The following ITGA9 variants were observed in gnomAD, a reference collection of about 807,000 sequenced individuals.
The protein encoded by ITGA9 is integrin alpha-9.
A neutral mutation model predicts 127.8 loss-of-function variants in ITGA9; 56 were observed. The ratio of observed to expected loss-of-function variants is 0.44; its 90% CI spans 0.35 to 0.55. The LOEUF is 0.55. ITGA9 is among the 20% of genes least tolerant of loss of function. The pLI, the probability that ITGA9 is intolerant of heterozygous loss-of-function variation, is 0.00. For synonymous variants in ITGA9, 508 were observed against 514.5 expected, an observed-to-expected ratio of 0.99 and a Z score of 0.17; for missense variants, 1,196 against 1,347.1, an observed-to-expected ratio of 0.89 and a Z score of 1.76.
intron 15 of ITGA9, among the ~76,000 whole-genome samples, chr3:37,594,083 G>A (rs537906792): frequency 6.6e-6 from 1 of 152,344 alleles, no homozygotes; most frequent in African/African-American, 2.4e-5. Context: ...CCACACGTGG[G>A]GCCAAGGGTG....
intron 4 of ITGA9, among the ~76,000 whole-genome samples, chr3:37,491,526 G>A (rs1258799436): frequency 1.3e-5 from 2 of 152,180 alleles, no homozygotes; most frequent in Admixed American, 6.5e-5. Context: ...TTCTTCCTGG[G>A]AACACAGGAG....
chr3:37,550,011 G>A (rs948340785), intron 15 of ITGA9, among the ~76,000 whole-genome samples: 2 of 152,216 alleles, frequency 1.3e-5, no homozygotes, highest in Admixed American at 6.5e-5. Flanking sequence ...CGAGCATTTA[G>A]TATGTGCTGG....
At chr3:37,453,503 G>A (rs1203346283) in intron 1 of ITGA9, among the ~76,000 whole-genome samples, 1 of 152,148 alleles carries the variant, frequency 6.6e-6, no homozygotes. Flanking sequence ...TGGACCAGAG[G>A]GTATAAACAG....
chr3:37,496,733 C>A (rs755207931), intron 5 of ITGA9, among the ~76,000 whole-genome samples: 10 of 152,316 alleles, frequency 6.6e-5, no homozygotes, highest in Non-Finnish European at 1.3e-4. Flanking sequence ...TCATACCTTT[C>A]CAGGCTCATC....
chr3:37,704,062 A>G (rs1700976702), intron 18 of ITGA9, among the ~76,000 whole-genome samples: 1 of 152,160 alleles, frequency 6.6e-6, no homozygotes, highest in Non-Finnish European at 1.5e-5. Flanking sequence ...AGGCTTATTT[A>G]CATGTCTTTT....
At chr3:37,818,353 C>G (rs1697467146) in intron 27 of ITGA9, 1 of 152,626 alleles carries the variant, frequency 6.6e-6, no homozygotes, top group African/African-American at 2.5e-5. Flanking sequence ...ACCTCCGCCT[C>G]CCAGGTTCAA....
intron 14 of ITGA9, among the ~76,000 whole-genome samples, chr3:37,540,799 G>A (rs1019517035): frequency 2.6e-5 from 4 of 152,224 alleles, no homozygotes; most frequent in African/African-American, 9.6e-5. Context: ...AGTGTTTTCT[G>A]TGTGGGAGCA....
At chr3:37,488,375 TCTATATATA>T (rs1200605725) in intron 4 of ITGA9, among the ~76,000 whole-genome samples, 1 of 152,184 alleles carries the variant, frequency 6.6e-6, no homozygotes, top group African/African-American at 2.4e-5. Flanking sequence ...AAGTTGCATG[TCTATATATA>T]CATTATTATG....
chr3:37,624,200 C>CTTTTTTTTTTTTTT (rs58307041), intron 15 of ITGA9, among the ~76,000 whole-genome samples: 3 of 85,768 alleles, frequency 3.5e-5, no homozygotes, highest in Non-Finnish European at 6.3e-5. Context: ...AAAAAAAACC[C>CTTTTTTTTTTTTTT]TTTTTTTTTT....
chr3:37,715,022 A>G (rs1396725837), intron 18 of ITGA9, among the ~76,000 whole-genome samples: 1 of 152,182 alleles, frequency 6.6e-6, no homozygotes, highest in Non-Finnish European at 1.5e-5. Context: ...TACTGGATTG[A>G]GGATGAGAAG....
At chr3:37,473,903 A>G (rs1284838147) in intron 3 of ITGA9, among the ~76,000 whole-genome samples, 2 of 152,220 alleles carry the variant, frequency 1.3e-5, no homozygotes, top group Non-Finnish European at 2.9e-5. Context: ...ACCTGAGACA[A>G]ACCACAGCTG....
chr3:37,700,956 C>G lies in ITGA9; in HGVS notation c.2067+16941C>G, dbSNP rs923567866. Reference sequence around the variant, plus strand: ...ATCAGAAATGGAGAAATGCTTCCCCCACCTGGTGATTGCATCTTGCTGTAT... The same window carrying G: ...ATCAGAAATGGAGAAATGCTTCCCCGACCTGGTGATTGCATCTTGCTGTAT... On this transcript the variant is annotated intron_variant, in intron 18 of 27. Transcript: ENST00000264741. 1.3e-5 allele frequency among the ~76,000 whole-genome samples: 2 copies of G among 152,206 alleles called. 1 individual carries two copies. Among genetic ancestry groups the G allele is most frequent in the East Asian group, 3.8e-4 (2 of 5,204 alleles).
intron 26 of ITGA9, among the ~76,000 whole-genome samples, chr3:37,788,735 T>C (rs1441593650): frequency 6.6e-6 from 1 of 152,140 alleles, no homozygotes; most frequent in Non-Finnish European, 1.5e-5. Flanking sequence ...CTTGATATTT[T>C]TTCTCTCTTT....
chr3:37,491,798 T>C (rs1169712654), intron 4 of ITGA9, among the ~76,000 whole-genome samples: 1 of 152,192 alleles, frequency 6.6e-6, no homozygotes, highest in African/African-American at 2.4e-5. Flanking sequence ...TACATACTCT[T>C]TGGGGAAGAA....
At chr3:37,516,791 A>G (rs1698987932) in intron 9 of ITGA9, among the ~76,000 whole-genome samples, 1 of 152,172 alleles carries the variant, frequency 6.6e-6, no homozygotes. Flanking sequence ...ATTGCATTGT[A>G]TCACTCTGGT....
At chr3:37,748,059 A>G (rs1696527750) in intron 22 of ITGA9, 1 of 382,648 alleles carries the variant, frequency 2.6e-6, no homozygotes, top group Non-Finnish European at 5.1e-6. Flanking sequence ...TCACCCCCAA[A>G]AGAAATTTCG....
intron 15 of ITGA9, among the ~76,000 whole-genome samples, chr3:37,577,813 C>T (rs140010349): frequency 6.6e-6 from 1 of 152,214 alleles, no homozygotes; most frequent in South Asian, 2.1e-4. Flanking sequence ...TTTGTGGAAA[C>T]AGAAACACAT....
chr3:37,525,278 T>C (rs191367710), intron 12 of ITGA9, among the ~76,000 whole-genome samples: 314 of 152,372 alleles, frequency 2.1e-3, no homozygotes, highest in Middle Eastern at 0.017. Flanking sequence ...ATGAATTTAC[T>C]GACTTAAATA....
intron 15 of ITGA9, among the ~76,000 whole-genome samples, chr3:37,605,601 C>T (rs75726466): frequency 1.3e-5 from 2 of 152,278 alleles, no homozygotes; most frequent in Admixed American, 6.5e-5. Context: ...AGTATTTTCT[C>T]ATGTGGTTTC....
Sources: allele counts gnomAD v4.1 joint callset (sites outside exome capture counted in the v4.1 genomes callset), GRCh38; gene constraint gnomAD v4.1.1; transcripts MANE v1.5; gene names NCBI Gene and HGNC (gene_info 2026-07-23, HGNC 2026-07-21).